The following HOMER1 variants were observed in gnomAD, a reference collection of about 807,000 sequenced individuals.
HOMER1 encodes the protein homer scaffold protein 1.
Under a neutral mutation model 48.9 loss-of-function variants are expected in HOMER1, and 3 were observed. The ratio of observed to expected loss-of-function variants is 0.06; its 90% CI spans 0.03 to 0.16. HOMER1 has a LOEUF of 0.16. Ranked by LOEUF, HOMER1 falls within the 10% of genes least tolerant of loss-of-function variation. The pLI is 1.00. For synonymous variants in HOMER1, 134 were observed against 146.4 expected, an observed-to-expected ratio of 0.92 and a Z score of 0.61; for missense variants, 247 against 411.4, an observed-to-expected ratio of 0.60 and a Z score of 3.46.
intron 8 of HOMER1, among the ~76,000 whole-genome samples, chr5:79,384,856 T>C (rs1423130471): frequency 6.6e-6 from 1 of 152,074 alleles, no homozygotes; most frequent in Non-Finnish European, 1.5e-5. Context: ...GAGAAATTAA[T>C]AAATGATACA....
At chr5:79,487,065 G>A (rs543092155) in intron 1 of HOMER1, among the ~76,000 whole-genome samples, 2 of 152,112 alleles carry the variant, frequency 1.3e-5, no homozygotes, top group African/African-American at 4.8e-5. Flanking sequence ...AGGATCACAA[G>A]GTCAAGAGAT....
intron 1 of HOMER1, among the ~76,000 whole-genome samples, chr5:79,496,893 C>G (rs1752436590): frequency 6.6e-6 from 1 of 151,222 alleles, no homozygotes; most frequent in Non-Finnish European, 1.5e-5. Flanking sequence ...GATGAAACCC[C>G]ATCTCTACTA....
chr5:79,411,092 T>A lies in HOMER1; in HGVS notation c.528-9037A>T, dbSNP rs145959921. Among the ~76,000 whole-genome samples the A allele has an allele frequency of 5.3e-3, 802 of 152,274 alleles. 3 individuals carry two copies. Among genetic ancestry groups the A allele is most frequent in the African/African-American group, 0.018 (766 of 41,556 alleles). On this transcript the variant is annotated intron_variant, in intron 5 of 8. Coordinates refer to ENST00000334082, the MANE Select transcript of HOMER1 (RefSeq NM_004272.5). The stretch of plus-strand genomic sequence containing the variant: ...TTTCCCTTCAAAATGGACCAGCTGG[T>A]TTCCTGTTGGCTTCAAATCTAGAGG...
intron 1 of HOMER1, among the ~76,000 whole-genome samples, chr5:79,481,185 A>C (rs1433169461): frequency 5.3e-5 from 8 of 152,184 alleles, no homozygotes; most frequent in South Asian, 2.1e-4. Context: ...AGCACCAGTT[A>C]TCTCTCCTCA....
At chr5:79,381,297 A>G (rs1748965199) in intron 8 of HOMER1, among the ~76,000 whole-genome samples, 2 of 152,242 alleles carry the variant, frequency 1.3e-5, no homozygotes, top group Admixed American at 1.3e-4. Flanking sequence ...CACACTCGGA[A>G]TCAAAGCCAA....
At chr5:79,444,829 A>C (rs1365367048) in intron 4 of HOMER1, among the ~76,000 whole-genome samples, 1 of 152,202 alleles carries the variant, frequency 6.6e-6, no homozygotes, top group Non-Finnish European at 1.5e-5. Context: ...TTAATTTTAA[A>C]TGGGGTTTTA....
chr5:79,492,850 G>A (rs1269291485), intron 1 of HOMER1, among the ~76,000 whole-genome samples: 2 of 147,996 alleles, frequency 1.4e-5, no homozygotes, highest in Non-Finnish European at 3.0e-5. Flanking sequence ...CTACAAAAAT[G>A]CCATATACCC....
At chr5:79,447,827 T>C (rs1378268601) in intron 3 of HOMER1, among the ~76,000 whole-genome samples, 2 of 152,102 alleles carry the variant, frequency 1.3e-5, no homozygotes, top group Non-Finnish European at 2.9e-5. Flanking sequence ...ACAAAGAATA[T>C]CTATTTATGT....
At chr5:79,454,672 G>C (rs1423107236) in intron 2 of HOMER1, among the ~76,000 whole-genome samples, 2 of 152,110 alleles carry the variant, frequency 1.3e-5, no homozygotes, top group Non-Finnish European at 2.9e-5. Context: ...AAGACACAAA[G>C]TGCAAATAGC....
intron 6 of HOMER1, chr5:79,397,991 T>A (rs2112215245): frequency 6.4e-6 from 1 of 156,990 alleles, no homozygotes; most frequent in African/African-American, 2.4e-5. Flanking sequence ...GCCTTCAAAT[T>A]CAATATGGGT....
chr5:79,411,358 G>T (rs1235601982), intron 5 of HOMER1, among the ~76,000 whole-genome samples: 1 of 152,100 alleles, frequency 6.6e-6, no homozygotes, highest in Non-Finnish European at 1.5e-5. Context: ...GGTGGCATAT[G>T]CCTATAGTCC....
intron 5 of HOMER1, among the ~76,000 whole-genome samples, chr5:79,432,207 G>A (rs1750445030): frequency 6.6e-6 from 1 of 152,082 alleles, no homozygotes; most frequent in Non-Finnish European, 1.5e-5. Flanking sequence ...TCTTCTCTAC[G>A]TCCTAGAGCA....
rs1247304343 is a variant in HOMER1 at position 79,385,401 on chromosome 5, C to CA, written c.877-9205dup. Among the ~76,000 whole-genome samples, 7 of 152,080 alleles carry CA rather than the reference C, an allele frequency of 4.6e-5. No individual in the cohort carries two copies. The South Asian group carries it at 6.2e-4, about 14-fold the overall frequency. On this transcript the variant is annotated intron_variant, in intron 8 of 8. Transcript: ENST00000334082. The stretch of plus-strand genomic sequence containing the variant: ...TATACAAGAAATGCAAACAACTCAA[C>CA]AAAAAACCACAAATAACTCCACTAA...
rs1752996665 is a variant in HOMER1, at chr5:79,513,384, ATC to A, written c.-612_-611del. 2 of 153,166 alleles carry A rather than the reference ATC, an allele frequency of 1.3e-5. No homozygotes were observed. Among genetic ancestry groups the A allele is most frequent in the African/African-American group, 4.8e-5 (2 of 41,584 alleles). 9.5% of individuals were successfully genotyped at this position (153,166 alleles called of 1,614,324 possible). ...AACCTGCACGGCACTCCACATTGGA[ATC>A]TGTCTTTTTAAATGTTTCTCCTCCT... is the stretch of plus-strand genomic sequence containing the variant. On this transcript the variant is annotated 5_prime_UTR_variant, in exon 1 of 9. Coordinates refer to ENST00000334082, the MANE Select transcript of HOMER1 (RefSeq NM_004272.5).
At position 79,415,210 on chromosome 5, in the gene HOMER1, C is replaced by G. The variant is rs947664872; in HGVS notation, c.528-13155G>C. Among the ~76,000 whole-genome samples the G allele has an allele frequency of 2.0e-5, 3 of 151,646 alleles. No individual in the cohort carries two copies. The South Asian group carries it at 6.3e-4, about 32-fold the overall frequency. ...CTGGGAATATAGACAAGTGCCACCA[C>G]GCCTGGCTATTTTTTGTATTTTTTT... On this transcript the variant is annotated intron_variant, in intron 5 of 8. Coordinates refer to ENST00000334082, the MANE Select transcript of HOMER1 (RefSeq NM_004272.5).
intron 1 of HOMER1, among the ~76,000 whole-genome samples, chr5:79,491,308 A>G (rs973190164): frequency 5.9e-5 from 9 of 151,416 alleles, no homozygotes; most frequent in Non-Finnish European, 1.2e-4. Flanking sequence ...CTCTAGTCCC[A>G]GCTACTTGGT....
At chr5:79,395,484 A>G in intron 8 of HOMER1, among the ~76,000 whole-genome samples, 1 of 152,216 alleles carries the variant, frequency 6.6e-6, no homozygotes, top group East Asian at 1.9e-4. Context: ...AAAGTGCCCC[A>G]AGTTGATGAC....
intron 1 of HOMER1, among the ~76,000 whole-genome samples, chr5:79,492,467 A>C (rs1752303160): frequency 1.3e-5 from 2 of 152,040 alleles, no homozygotes; most frequent in African/African-American, 4.8e-5. Context: ...CCAATCAATT[A>C]ACTTCTGTGA....
intron 1 of HOMER1, among the ~76,000 whole-genome samples, chr5:79,474,738 C>G (rs73122392): frequency 0.021 from 3,202 of 151,924 alleles, 123 homozygotes; most frequent in African/African-American, 0.074. Flanking sequence ...TTACCTTGTT[C>G]CTGATTTTAC....
Sources: allele counts gnomAD v4.1 joint callset (sites outside exome capture counted in the v4.1 genomes callset), GRCh38; gene constraint gnomAD v4.1.1; transcripts MANE v1.5; gene names NCBI Gene and HGNC (gene_info 2026-07-23, HGNC 2026-07-21).